PHF3: variants seen among roughly 807,000 people sequenced by gnomAD.
PHF3 encodes PHD finger protein 3.
Under a neutral mutation model 178.4 loss-of-function variants are expected in PHF3, and 41 were observed. That is an observed-to-expected ratio of 0.23 (90% CI 0.18 to 0.30). PHF3 has a LOEUF of 0.30. Among genes scored for constraint, PHF3 ranks in the 10% least tolerant of loss-of-function variants. The probability of loss-of-function intolerance (pLI) is 1.00; values close to 1 mark genes in which losing one functional copy is unlikely to be tolerated. For missense variants in PHF3, 2,346 were observed against 2,398.1 expected (o/e 0.98, Z 0.45); for synonymous variants, 842 against 800.5 (o/e 1.05, Z -0.88).
chr6:63,690,640 A>T (rs1396621235), intron 4 of PHF3, among the ~76,000 whole-genome samples: 3 of 152,092 alleles, frequency 2.0e-5, no homozygotes, highest in Non-Finnish European at 4.4e-5. Flanking sequence ...AATCAGTAGC[A>T]CGGTCTTTAG....
intron 2 of PHF3, among the ~76,000 whole-genome samples, chr6:63,662,852 T>A (rs1765527391): frequency 6.6e-6 from 1 of 152,216 alleles, no homozygotes; most frequent in Admixed American, 6.5e-5. Context: ...ATAATTGATG[T>A]CATTTCTATT....
chr6:63,700,221 A>G, intron 8 of PHF3, 129 bp from the exon 9 acceptor site: 1 of 512,394 alleles, frequency 2.0e-6, no homozygotes, highest in Non-Finnish European at 3.6e-6. Flanking sequence ...TCTGTGTAGT[A>G]GGTAATATAT....
At chr6:63,639,940 ACT>A (rs1764503005) in intron 1 of PHF3, among the ~76,000 whole-genome samples, 1 of 152,036 alleles carries the variant, frequency 6.6e-6, no homozygotes, top group Non-Finnish European at 1.5e-5. Flanking sequence ...TTTGAAGTTA[ACT>A]CTTTCTTGTT....
intron 1 of PHF3, among the ~76,000 whole-genome samples, chr6:63,641,366 T>C (rs908762348): frequency 1.4e-4 from 21 of 152,152 alleles, no homozygotes; most frequent in African/African-American, 4.1e-4. Context: ...GTATAACTTT[T>C]CTTGAGCGAT....
At chr6:63,688,535 G>A (rs139437513) in intron 4 of PHF3, among the ~76,000 whole-genome samples, 1,807 of 150,638 alleles carry the variant, frequency 0.012, 30 homozygotes, top group African/African-American at 0.042. Context: ...GGGTTTCACC[G>A]TGTTGGCCAG....
At chr6:63,690,053 T>G (rs1243026056) in intron 4 of PHF3, among the ~76,000 whole-genome samples, 1 of 152,150 alleles carries the variant, frequency 6.6e-6, no homozygotes, top group Non-Finnish European at 1.5e-5. Context: ...TATTTTAGCT[T>G]TGCAACTCGA....
intron 1 of PHF3, among the ~76,000 whole-genome samples, chr6:63,645,327 A>C (rs527944036): frequency 6.6e-6 from 1 of 152,344 alleles, no homozygotes; most frequent in East Asian, 1.9e-4. Flanking sequence ...TGGGGAAGAC[A>C]TTTAAATTAT....
At position 63,713,263 on chromosome 6, in the gene PHF3, G is replaced by A. The variant is rs1768047007; in HGVS notation, c.5675G>A (p.Arg1892Lys). 1 of 1,613,886 alleles carries A rather than the reference G, an allele frequency of 6.2e-7. No homozygotes were observed. Among genetic ancestry groups the A allele is most frequent in the Admixed American group, 1.7e-5 (1 of 59,954 alleles). The change falls in exon 16 of 16, where the codon AGG (arginine) becomes AAG (lysine). Residue 1892 changes from arginine to lysine, a missense_variant. This residue lies in a region of PHF3 where 839 missense variants were observed against 806.9 expected (regional missense o/e 1.04). Transcript: ENST00000262043. ...TTTTACCAGGTTAAAGACATTCGGA[G>A]GCCAGAAAGGCGCCATAGTGACCCT... is the stretch of plus-strand genomic sequence containing the variant. ...QNFYQVKDIR[R>K]PERRHSDPWG...
Position 63,692,131 on chromosome 6 carries a change from G to T in PHF3, c.2496+88G>T, listed in dbSNP as rs1582090245. On this transcript the variant is annotated intron_variant, in intron 5 of 15. Transcript: ENST00000262043. ...ATAATTTTGAAATTTCTCTTTAGAA[G>T]TTTTAATGTTCTTTTACATTTTCAA... 8.8e-6 allele frequency: 8 copies of T among 913,988 alleles called. No individual in the cohort carries two copies. In the East Asian group the frequency reaches 2.2e-4, roughly 25 times the overall value. The allele number at this position is 913,988 out of a possible 1,614,324, so 56.6% of individuals were successfully genotyped here. A position where few individuals can be genotyped will look rare whatever the true frequency, so the allele number is the denominator to read the frequency against.
intron 11 of PHF3, 132 bp downstream of exon 11, chr6:63,703,803 A>C: frequency 1.3e-6 from 1 of 797,126 alleles, no homozygotes. Context: ...ACAGTCTTTA[A>C]GCTTTCGTGT....
rs977400647 is a variant in PHF3 at position 63,724,391 on chromosome 6, G to C, written c.*10683G>C. ...TATATACATTTTTTTCTGTAGAAAAGGAAAGCAATGGTAATTTAAACTTAT... is the reference window on the plus strand; with the variant it reads ...TATATACATTTTTTTCTGTAGAAAACGAAAGCAATGGTAATTTAAACTTAT... On this transcript the variant is annotated 3_prime_UTR_variant, in exon 16 of 16. Transcript: ENST00000262043. Among the ~76,000 whole-genome samples the C allele has an allele frequency of 6.6e-6, 1 of 151,952 alleles. No homozygotes were observed. Among genetic ancestry groups the C allele is most frequent in the Non-Finnish European group, 1.5e-5 (1 of 68,010 alleles).
At position 63,665,655 on chromosome 6, in the gene PHF3, T is replaced by C. The variant is rs181032184; in HGVS notation, c.245-14345T>C. ...TGCCTGCCACCACACCTGGCTAATA[T>C]TGTTGTCTTTTTTAGTAGAGACGGG... On this transcript the variant is annotated intron_variant, in intron 2 of 15. Transcript: ENST00000262043. 3.8e-4 allele frequency among the ~76,000 whole-genome samples: 58 copies of C among 152,016 alleles called. 1 individual carries two copies. In the East Asian group the frequency reaches 0.011, roughly 28 times the overall value.
chr6:63,713,789 A>G lies in PHF3; in HGVS notation c.*81A>G, dbSNP rs1272622328. The stretch of plus-strand genomic sequence containing the variant: ...GTAAACAAAAGAAAGATTGCCTGCT[A>G]GGATTGTGCCATCTTTAAAATTTTT... On this transcript the variant is annotated 3_prime_UTR_variant, in exon 16 of 16. Coordinates refer to ENST00000262043, the MANE Select transcript of PHF3 (RefSeq NM_001370348.2). 4 of 1,205,154 alleles carry G rather than the reference A, an allele frequency of 3.3e-6. No individual in the cohort carries two copies. The highest frequency in any genetic ancestry group is 4.6e-6 in the Non-Finnish European group (4 of 878,302). 74.7% of individuals were successfully genotyped at this position (1,205,154 alleles called of 1,614,324 possible). A position where few individuals can be genotyped will look rare whatever the true frequency, so the allele number is the denominator to read the frequency against.
intron 2 of PHF3, among the ~76,000 whole-genome samples, chr6:63,658,265 C>T (rs1473066822): frequency 2.0e-5 from 3 of 152,296 alleles, no homozygotes; most frequent in Admixed American, 2.0e-4. Context: ...ATGACTTTTT[C>T]ATGCTCTGTT....
At chr6:63,651,744 G>A (rs1239520984) in intron 2 of PHF3, among the ~76,000 whole-genome samples, 2 of 152,028 alleles carry the variant, frequency 1.3e-5, no homozygotes, top group African/African-American at 4.8e-5. Context: ...AATCACTATT[G>A]TACTGTCTAC....
chr6:63,657,084 C>T (rs1438092156), intron 2 of PHF3, among the ~76,000 whole-genome samples: 1 of 152,144 alleles, frequency 6.6e-6, no homozygotes, highest in Non-Finnish European at 1.5e-5. Context: ...CTGCAAACTC[C>T]TGGAAGACAG....
chr6:63,683,133 C>G (rs1766511922), intron 3 of PHF3, among the ~76,000 whole-genome samples: 1 of 151,946 alleles, frequency 6.6e-6, no homozygotes, highest in Non-Finnish European at 1.5e-5. Flanking sequence ...GAAAGGGTCT[C>G]TAAGATAAGG....
intron 2 of PHF3, among the ~76,000 whole-genome samples, chr6:63,671,060 AC>A (rs1765893668): frequency 6.6e-6 from 1 of 151,330 alleles, no homozygotes; most frequent in Non-Finnish European, 1.5e-5. Flanking sequence ...AGAATGTGAA[AC>A]TCAATGAATA....
rs539489820 is a variant in PHF3, at chr6:63,715,940, G to GA, written c.*2238dup. Among the ~76,000 whole-genome samples, 5 of 152,126 alleles carry GA rather than the reference G, an allele frequency of 3.3e-5. No homozygotes were observed. Among genetic ancestry groups the GA allele is most frequent in the East Asian group, 3.9e-4 (2 of 5,184 alleles). On this transcript the variant is annotated 3_prime_UTR_variant, in exon 16 of 16. Transcript: ENST00000262043. ...CATCTTTCAGTTTCTCCTGTTTTAAGAAAAAACCTGCTCTTTAAAAAAAGT... is the reference window on the plus strand; with the variant it reads ...CATCTTTCAGTTTCTCCTGTTTTAAGAAAAAAACCTGCTCTTTAAAAAAAGT...
Sources: allele counts gnomAD v4.1 joint callset (sites outside exome capture counted in the v4.1 genomes callset), GRCh38; gene constraint gnomAD v4.1.1; regional missense constraint gnomAD v4.1.1; transcripts MANE v1.5; gene names NCBI Gene and HGNC (gene_info 2026-07-23, HGNC 2026-07-21).